Variants in TMCC1 observed in about 807,000 individuals in gnomAD.
TMCC1 encodes the protein transmembrane and coiled-coil domain family 1, also known as transmembrane and coiled-coil domains protein 1.
A neutral mutation model predicts 52.4 loss-of-function variants in TMCC1; 15 were observed. That is an observed-to-expected ratio of 0.29 (90% CI 0.19 to 0.44). TMCC1 has a LOEUF of 0.44. TMCC1 is among the 20% of genes least tolerant of loss of function. The pLI is 1.00. For missense variants in TMCC1, 503 were observed against 806.0 expected (o/e 0.62, Z 4.55); for synonymous variants, 279 against 301.9 (o/e 0.92, Z 0.79).
intron 4 of TMCC1, among the ~76,000 whole-genome samples, chr3:129,744,306 T>C (rs1050677962): frequency 1.3e-5 from 2 of 152,156 alleles, no homozygotes; most frequent in Non-Finnish European, 2.9e-5. Flanking sequence ...CCACTTTCTT[T>C]TTCCTTTTCT....
chr3:129,700,631 C>T (rs1166475996), intron 4 of TMCC1, among the ~76,000 whole-genome samples: 1 of 152,080 alleles, frequency 6.6e-6, no homozygotes, highest in Non-Finnish European at 1.5e-5. Context: ...TGCACGCCAC[C>T]ATGCCTGGCT....
At chr3:129,757,657 C>T (rs2053137855) in intron 4 of TMCC1, among the ~76,000 whole-genome samples, 1 of 152,198 alleles carries the variant, frequency 6.6e-6, no homozygotes, top group East Asian at 1.9e-4. Context: ...CCCGTCTCTA[C>T]TAAAAACAAA....
chr3:129,733,891 G>C (rs558080645), intron 4 of TMCC1, among the ~76,000 whole-genome samples: 2 of 151,188 alleles, frequency 1.3e-5, no homozygotes, highest in African/African-American at 4.9e-5. Context: ...TCACATCCAC[G>C]AACAGGCAAA....
intron 2 of TMCC1, chr3:129,857,551 C>CT (rs975482739): frequency 2.1e-4 from 32 of 151,400 alleles, no homozygotes; most frequent in South Asian, 1.0e-3. Context: ...TGTCCAAGTA[C>CT]TTTTTTTTTA....
At chr3:129,713,634 G>GCC (rs919599680) in intron 4 of TMCC1, among the ~76,000 whole-genome samples, 26 of 149,810 alleles carry the variant, frequency 1.7e-4, no homozygotes, top group Non-Finnish European at 3.5e-4. Flanking sequence ...AACAGCTTGA[G>GCC]CCCAGGAGTT....
intron 4 of TMCC1, among the ~76,000 whole-genome samples, chr3:129,674,484 G>C (rs1177689070): frequency 1.3e-5 from 2 of 152,156 alleles, no homozygotes; most frequent in Non-Finnish European, 2.9e-5. Flanking sequence ...TTAAAGGAGG[G>C]AGAAAATGGG....
intron 2 of TMCC1, among the ~76,000 whole-genome samples, chr3:129,877,797 T>G (rs1050383694): frequency 2.0e-5 from 3 of 151,078 alleles, no homozygotes; most frequent in African/African-American, 7.3e-5. Context: ...CACAACTAAT[T>G]TTTTGTATTT....
intron 4 of TMCC1, among the ~76,000 whole-genome samples, chr3:129,757,416 T>C (rs901507696): frequency 1.3e-5 from 2 of 152,208 alleles, no homozygotes; most frequent in East Asian, 3.8e-4. Flanking sequence ...ACTTTCTTAC[T>C]GTGTCTCACC....
At chr3:129,819,393 T>C (rs924785173) in intron 4 of TMCC1, among the ~76,000 whole-genome samples, 17 of 152,332 alleles carry the variant, frequency 1.1e-4, no homozygotes, top group Middle Eastern at 6.8e-3. Flanking sequence ...AAAGTAAATA[T>C]ATTAGAAATT....
At chr3:129,705,663 C>T (rs962365910) in intron 4 of TMCC1, among the ~76,000 whole-genome samples, 3 of 145,338 alleles carry the variant, frequency 2.1e-5, no homozygotes, top group East Asian at 2.1e-4. Flanking sequence ...TGTGCAGTGG[C>T]GCCATCTCGG....
At chr3:129,671,893 G>GA (rs1172333761) in intron 4 of TMCC1, among the ~76,000 whole-genome samples, 1 of 152,200 alleles carries the variant, frequency 6.6e-6, no homozygotes, top group Non-Finnish European at 1.5e-5. Context: ...AGTAACTGCT[G>GA]AAAGTGGCAA....
chr3:129,735,970 G>A (rs936649385), intron 4 of TMCC1, among the ~76,000 whole-genome samples: 1 of 152,168 alleles, frequency 6.6e-6, no homozygotes, highest in African/African-American at 2.4e-5. Flanking sequence ...AAGTCTACAT[G>A]GAGTAGAGCC....
chr3:129,744,148 C>T (rs991384602), intron 4 of TMCC1, among the ~76,000 whole-genome samples: 2 of 152,088 alleles, frequency 1.3e-5, no homozygotes, highest in Non-Finnish European at 2.9e-5. Flanking sequence ...ATATCTGAAC[C>T]TTACAATTTC....
intron 2 of TMCC1, among the ~76,000 whole-genome samples, chr3:129,855,350 C>T (rs2060106373): frequency 6.6e-6 from 1 of 151,896 alleles, no homozygotes; most frequent in African/African-American, 2.4e-5. Context: ...ATGTCAAGTC[C>T]CAAAGCAAAG....
chr3:129,668,039 C>T (rs184723797), intron 5 of TMCC1, among the ~76,000 whole-genome samples: 160 of 152,112 alleles, frequency 1.1e-3, no homozygotes, highest in African/African-American at 3.4e-3. Context: ...AATTAAAAAA[C>T]GAGCCAAGCG....
chr3:129,830,306 T>A (rs1327474558), intron 3 of TMCC1, among the ~76,000 whole-genome samples: 1 of 152,194 alleles, frequency 6.6e-6, no homozygotes, highest in Admixed American at 6.5e-5. Context: ...TGGGCAAAAA[T>A]TTTGCCAATA....
At chr3:129,706,752 C>T (rs941754303) in intron 4 of TMCC1, among the ~76,000 whole-genome samples, 4 of 152,162 alleles carry the variant, frequency 2.6e-5, no homozygotes, top group African/African-American at 9.7e-5. Context: ...ATAAGGCTTC[C>T]TAAAGTCTAT....
intron 4 of TMCC1, chr3:129,688,429 C>T: frequency 1.0e-6 from 1 of 983,754 alleles, no homozygotes; most frequent in Non-Finnish European, 1.2e-6. Context: ...CTTTCCCCCA[C>T]CAAAGAGCCG....
chr3:129,741,255 T>C (rs2051432033), intron 4 of TMCC1, among the ~76,000 whole-genome samples: 1 of 152,184 alleles, frequency 6.6e-6, no homozygotes, highest in African/African-American at 2.4e-5. Context: ...CTTACATAAT[T>C]GTTTTGAATA....
Sources: allele counts gnomAD v4.1 joint callset (sites outside exome capture counted in the v4.1 genomes callset), GRCh38; gene constraint gnomAD v4.1.1; transcripts MANE v1.5; gene names NCBI Gene and HGNC (gene_info 2026-07-23, HGNC 2026-07-21).